The following MAN1A1 variants were observed in gnomAD, a reference collection of about 807,000 sequenced individuals.
MAN1A1 encodes mannosyl-oligosaccharide 1,2-alpha-mannosidase IA.
MAN1A1 carries 29 observed loss-of-function variants against 70.8 expected under a neutral mutation model. The ratio of observed to expected loss-of-function variants is 0.41; its 90% CI spans 0.31 to 0.56. MAN1A1 has a LOEUF of 0.56. Ranked by LOEUF, MAN1A1 falls within the 20% of genes least tolerant of loss-of-function variation. MAN1A1 has a pLI of 0.29. For synonymous variants in MAN1A1, 349 were observed against 330.1 expected, an observed-to-expected ratio of 1.06 and a Z score of -0.62; for missense variants, 747 against 841.3, an observed-to-expected ratio of 0.89 and a Z score of 1.39.
At chr6:119,339,287 CA>C (rs1304234769) in intron 2 of MAN1A1, among the ~76,000 whole-genome samples, 1 of 152,072 alleles carries the variant, frequency 6.6e-6, no homozygotes, top group Non-Finnish European at 1.5e-5. Flanking sequence ...TCCCACTTAC[CA>C]GGGTGTGTGC....
At chr6:119,260,929 T>G (rs566402694) in intron 5 of MAN1A1, among the ~76,000 whole-genome samples, 2 of 151,856 alleles carry the variant, frequency 1.3e-5, no homozygotes, top group East Asian at 3.9e-4. Context: ...ATTTATGTTG[T>G]CCATTGTAGC....
intron 6 of MAN1A1, among the ~76,000 whole-genome samples, chr6:119,228,070 CCTAGTT>C (rs1774569774): frequency 6.6e-6 from 1 of 152,078 alleles, no homozygotes; most frequent in African/African-American, 2.4e-5. Flanking sequence ...CATTTTATAT[CCTAGTT>C]CTTAGTTTAA....
chr6:119,317,180 C>G (rs1242588804), intron 2 of MAN1A1, among the ~76,000 whole-genome samples: 1 of 152,130 alleles, frequency 6.6e-6, no homozygotes, highest in African/African-American at 2.4e-5. Context: ...AACCTCCTCA[C>G]TATCAACATT....
At chr6:119,322,843 A>C (rs1773050916) in intron 2 of MAN1A1, among the ~76,000 whole-genome samples, 2 of 152,172 alleles carry the variant, frequency 1.3e-5, no homozygotes, top group Admixed American at 6.5e-5. Context: ...AAGTAGAAGG[A>C]AGGCCTTAAC....
intron 4 of MAN1A1, among the ~76,000 whole-genome samples, chr6:119,293,985 C>T (rs1390866080): frequency 1.3e-5 from 2 of 152,088 alleles, no homozygotes; most frequent in African/African-American, 2.4e-5. Context: ...ACGCACTCAT[C>T]AGACACTCAA....
intron 6 of MAN1A1, among the ~76,000 whole-genome samples, chr6:119,232,389 A>G (rs1198299859): frequency 1.4e-5 from 2 of 146,922 alleles, no homozygotes; most frequent in African/African-American, 2.6e-5. Context: ...AAAAAAAAAA[A>G]AAAGAAAAAC....
intron 8 of MAN1A1, among the ~76,000 whole-genome samples, chr6:119,196,779 C>T (rs1453678306): frequency 6.6e-6 from 1 of 152,096 alleles, no homozygotes; most frequent in Non-Finnish European, 1.5e-5. Flanking sequence ...AACAATCCCC[C>T]AATGATGCTA....
chr6:119,349,862 G>A, upstream of MAN1A1: 2 of 616,510 alleles, frequency 3.2e-6, no homozygotes, highest in Non-Finnish European at 4.1e-6. Flanking sequence ...AGGGTCCCGC[G>A]GGGGCGGGGC....
rs1300114647 is a variant in MAN1A1, at chr6:119,177,295, T to C, written c.*2524A>G. 2 of 152,110 alleles carry C rather than the reference T, an allele frequency of 1.3e-5. No homozygotes were observed. The highest frequency in any genetic ancestry group is 2.4e-5 in the African/African-American group (1 of 41,454). 9.4% of individuals were successfully genotyped at this position (152,110 alleles called of 1,614,324 possible). A position where few individuals can be genotyped will look rare whatever the true frequency, so the allele number is the denominator to read the frequency against. ...TGTCAATCTATTGTTTCCCATAACATTGGAGATTTATATATAAAGTTGAAA... is the reference window on the plus strand; with the variant it reads ...TGTCAATCTATTGTTTCCCATAACACTGGAGATTTATATATAAAGTTGAAA... On this transcript the variant is annotated 3_prime_UTR_variant, in exon 13 of 13. Transcript: ENST00000368468.
At chr6:119,232,821 C>T (rs1774725529) in intron 6 of MAN1A1, among the ~76,000 whole-genome samples, 1 of 151,978 alleles carries the variant, frequency 6.6e-6, no homozygotes, top group South Asian at 2.1e-4. Context: ...ATTTTCCTGA[C>T]TCCTGCCTCT....
intron 2 of MAN1A1, among the ~76,000 whole-genome samples, chr6:119,316,289 T>A (rs1190321039): frequency 1.3e-5 from 2 of 150,138 alleles, no homozygotes; most frequent in African/African-American, 4.9e-5. Context: ...GCGATTGTCC[T>A]GCCTCAGCCT....
At chr6:119,334,103 T>G (rs1773390441) in intron 2 of MAN1A1, among the ~76,000 whole-genome samples, 1 of 152,212 alleles carries the variant, frequency 6.6e-6, no homozygotes, top group Non-Finnish European at 1.5e-5. Context: ...ATTTATAAAA[T>G]TACAATGGTT....
upstream of MAN1A1, among the ~76,000 whole-genome samples, chr6:119,350,096 G>A (rs956503729): frequency 6.6e-6 from 1 of 152,142 alleles, no homozygotes; most frequent in Non-Finnish European, 1.5e-5. Flanking sequence ...AGGGGTCCCC[G>A]GGGTGGTTGA....
chr6:119,223,323 A>AT (rs1479689176), intron 6 of MAN1A1, among the ~76,000 whole-genome samples: 4 of 152,126 alleles, frequency 2.6e-5, no homozygotes, highest in Admixed American at 1.3e-4. Flanking sequence ...ATCAGGAATA[A>AT]TTTTTTTGCT....
intron 2 of MAN1A1, among the ~76,000 whole-genome samples, chr6:119,335,226 A>G (rs1265268967): frequency 6.6e-6 from 1 of 152,216 alleles, no homozygotes; most frequent in Non-Finnish European, 1.5e-5. Flanking sequence ...CAATTTACCT[A>G]CCAACCCCTT....
At chr6:119,318,671 G>A (rs574175170) in intron 2 of MAN1A1, among the ~76,000 whole-genome samples, 6 of 152,208 alleles carry the variant, frequency 3.9e-5, no homozygotes, top group African/African-American at 1.2e-4. Flanking sequence ...AGCATTAAAT[G>A]TACTGCTATA....
At chr6:119,232,116 G>A (rs1419207968) in intron 6 of MAN1A1, among the ~76,000 whole-genome samples, 1 of 152,146 alleles carries the variant, frequency 6.6e-6, no homozygotes. Flanking sequence ...GCTTACGCCT[G>A]TAATCCAGCA....
intron 8 of MAN1A1, among the ~76,000 whole-genome samples, chr6:119,194,176 A>C (rs1198635689): frequency 6.6e-6 from 1 of 152,138 alleles, no homozygotes; most frequent in African/African-American, 2.4e-5. Context: ...TCTAGTGAAA[A>C]ACACCCAACT....
intron 6 of MAN1A1, among the ~76,000 whole-genome samples, chr6:119,210,316 G>A (rs1774012398): frequency 6.6e-6 from 1 of 152,052 alleles, no homozygotes; most frequent in African/African-American, 2.4e-5. Context: ...TCCAGTTACT[G>A]GGCAAGTTGG....
Sources: allele counts gnomAD v4.1 joint callset (sites outside exome capture counted in the v4.1 genomes callset), GRCh38; gene constraint gnomAD v4.1.1; transcripts MANE v1.5; gene names NCBI Gene and HGNC (gene_info 2026-07-23, HGNC 2026-07-21).